The following ZFYVE19 variants were observed in gnomAD, a reference collection of about 807,000 sequenced individuals.
The protein encoded by ZFYVE19 is abscission/NoCut checkpoint regulator.
A neutral mutation model predicts 62.8 loss-of-function variants in ZFYVE19; 49 were observed. The observed-to-expected ratio is 0.78, with a 90% CI of 0.62 to 0.99. The LOEUF (loss-of-function observed/expected upper bound fraction) is 0.99. Among genes scored for constraint, ZFYVE19 ranks in the 50% least tolerant of loss-of-function variants. The probability of loss-of-function intolerance (pLI) is 0.00; values close to 1 mark genes in which losing one functional copy is unlikely to be tolerated. For missense variants in ZFYVE19, 630 were observed against 601.9 expected (o/e 1.05, Z -0.49); for synonymous variants, 242 against 234.3 (o/e 1.03, Z -0.30).
rs1167665476 is a variant in ZFYVE19 at position 40,809,203 on chromosome 15, C to A, written c.364C>A (p.Gln122Lys). 4.3e-6 allele frequency: 7 copies of A among 1,614,248 alleles called. No homozygotes were observed. Among genetic ancestry groups the A allele is most frequent in the Non-Finnish European group, 5.9e-6 (7 of 1,180,048 alleles). ...AAVPRTGNTQ[Q>K]KVCKQCHEVL... ...AGTGCCTCGGACTGGGAACACCCAA[C>A]AGAAAGTCTGCAAGCAATGCCATGA... Residue 122 changes from glutamine to lysine, a missense_variant, in exon 2 of 11, where the codon CAG becomes AAG. Gln to Lys is a moderately conservative substitution (Grantham distance 53). Transcript: ENST00000355341.
At chr15:40,813,685 G>C (rs751429904) in intron 8 of ZFYVE19, 28 bp from the exon 9 acceptor site, 1 of 1,595,740 alleles carries the variant, frequency 6.3e-7, no homozygotes, top group Non-Finnish European at 8.6e-7. Flanking sequence ...TGAAGCAGGG[G>C]AGTAGTACAT....
Position 40,813,685 on chromosome 15 carries a change from G to A in ZFYVE19, c.1111-28G>A, listed in dbSNP as rs751429904. The A allele has an allele frequency of 3.8e-6, 6 of 1,595,740 alleles. No individual in the cohort carries two copies. The South Asian group carries it at 4.5e-5, about 12-fold the overall frequency. On this transcript the variant is annotated intron_variant, in intron 8 of 10. Coordinates refer to ENST00000355341, the MANE Select transcript of ZFYVE19 (RefSeq NM_001077268.2). Reference sequence around the variant, plus strand: ...TGGAGGGCCTGGGCCTGAAGCAGGGGAGTAGTACATCTTCACCCTGTCCGC... The same window carrying A: ...TGGAGGGCCTGGGCCTGAAGCAGGGAAGTAGTACATCTTCACCCTGTCCGC...
chr15:40,808,608 A>G (rs1458312474), intron 1 of ZFYVE19: 2 of 466,346 alleles, frequency 4.3e-6, no homozygotes, highest in Non-Finnish European at 7.5e-6. Context: ...CACGGTTGGC[A>G]TCAAGATTAA....
At chr15:40,809,542 A>G in intron 3 of ZFYVE19, 84 bp downstream of exon 3, 1 of 1,507,690 alleles carries the variant, frequency 6.6e-7, no homozygotes, top group Non-Finnish European at 9.1e-7. Flanking sequence ...CATCTTCTAG[A>G]TAAAATGAGC....
Position 40,814,069 on chromosome 15 carries a change from C to T in ZFYVE19, c.1336C>T (p.Arg446Ter), listed in dbSNP as rs764804590. 3.8e-5 allele frequency: 62 copies of T among 1,613,912 alleles called. No homozygotes were observed. Among genetic ancestry groups the T allele is most frequent in the Admixed American group, 6.7e-5 (4 of 59,990 alleles). ...GGACCTCTTCTGTGCCCGCTGCTTC[C>T]GGTGGGTGCAGGTGGAATGTTCTGT... is the stretch of plus-strand genomic sequence containing the variant. ...DGDLFCARCF[R>*]EGHDAFELKE... The change falls in exon 10 of 11, where the codon CGA becomes TGA. Residue 446 changes from arginine (R) to a stop codon, truncating the protein, a stop_gained and splice_region_variant. Coordinates refer to ENST00000355341, the MANE Select transcript of ZFYVE19 (RefSeq NM_001077268.2). LOFTEE classifies it high-confidence loss of function.
Position 40,807,631 on chromosome 15 carries a change from G to T in ZFYVE19, c.42G>T (p.Pro14=). 2 of 1,613,140 alleles carry T rather than the reference G, an allele frequency of 1.2e-6. No homozygotes were observed. Among genetic ancestry groups the T allele is most frequent in the Non-Finnish European group, 8.5e-7 (1 of 1,179,762 alleles). Residue 14 remains proline (P), a synonymous_variant, in exon 1 of 11, where the codon CCG becomes CCT. Coordinates refer to ENST00000355341, the MANE Select transcript of ZFYVE19 (RefSeq NM_001077268.2). ...AGCAGCCCCCGTTGCCGCCGCTGCCGTACGCTGGCTGCAGGAGAGCGTCCG... is the reference window on the plus strand; with the variant it reads ...AGCAGCCCCCGTTGCCGCCGCTGCCTTACGCTGGCTGCAGGAGAGCGTCCG... ...DSQQPPLPPL[P]YAGCRRASGF...
intron 5 of ZFYVE19, 28 bp downstream of exon 5, chr15:40,810,244 G>A (rs780621635): frequency 3.2e-5 from 51 of 1,612,134 alleles, no homozygotes; most frequent in Non-Finnish European, 3.6e-5. Flanking sequence ...GGAGAGAAGC[G>A]GGGGTGCTAG....
chr15:40,810,469 A>G (rs745032), intron 5 of ZFYVE19, among the ~76,000 whole-genome samples, 180 bp from the exon 6 acceptor site: 48,220 of 152,072 alleles, frequency 0.32, 8,100 homozygotes, highest in South Asian at 0.45. Flanking sequence ...ACAGCACGAT[A>G]GGGTAGGGCA....
chr15:40,813,179 G>C (rs1890551392), intron 7 of ZFYVE19, 159 bp from the exon 8 acceptor site: 2 of 710,908 alleles, frequency 2.8e-6, no homozygotes, highest in Non-Finnish European at 4.7e-6. Flanking sequence ...GGCTGGGGCA[G>C]GCAGGGACAG....
At chr15:40,808,048 T>C (rs772119465) in intron 1 of ZFYVE19, 180 bp downstream of exon 1, 6 of 1,048,876 alleles carry the variant, frequency 5.7e-6, no homozygotes, top group Non-Finnish European at 7.1e-6. Context: ...TTTCAGGGTT[T>C]ATGTGAGGGT....
chr15:40,807,182 C>T lies in ZFYVE19; in HGVS notation c.-408C>T. 7.0e-7 allele frequency: 1 copy of T among 1,426,404 alleles called. No homozygotes were observed. The highest frequency in any genetic ancestry group is 9.3e-7 in the Non-Finnish European group (1 of 1,071,136). 88.4% of individuals were successfully genotyped at this position (1,426,404 alleles called of 1,614,324 possible). A position where few individuals can be genotyped will look rare whatever the true frequency, so the allele number is the denominator to read the frequency against. On this transcript the variant is annotated 5_prime_UTR_variant, in exon 1 of 11. Transcript: ENST00000355341. ...CGAAGAGCCCTCTGTACCCCGCTTC[C>T]TCTTGAGGCCCTCGGACCGTCCAGG... is the stretch of plus-strand genomic sequence containing the variant.
At chr15:40,810,799 T>C (rs529213813) in intron 6 of ZFYVE19, 42 bp downstream of exon 6, 39 of 1,549,706 alleles carry the variant, frequency 2.5e-5, no homozygotes, top group Non-Finnish European at 3.2e-5. Context: ...GCCCTACCTC[T>C]TTCCCCAGAC....
In ZFYVE19 at chr15:40,807,508, A is replaced by T. The variant is rs185533526; in HGVS notation, c.-82A>T. 6.2e-7 allele frequency: 1 copy of T among 1,609,414 alleles called. No homozygotes were observed. On this transcript the variant is annotated 5_prime_UTR_variant, in exon 1 of 11. Coordinates refer to ENST00000355341, the MANE Select transcript of ZFYVE19 (RefSeq NM_001077268.2). ...GAGTCTAAGCGCGCGTGAGGACTGC[A>T]GGCTCCGAGCGGCGCCTAGCCCTCT...
At position 40,812,799 on chromosome 15, in the gene ZFYVE19, G is replaced by C. The variant is rs7178363; in HGVS notation, c.927G>C (p.Leu309=). The part of the protein sequence containing the change: ...WSLEEEKSRL[L]AEAALELREE... ...TGGAGGAGGAGAAGAGCAGACTGCT[G>C]GCTGAGGCAGCACTTGAGTTGCGGG... Residue 309 remains leucine, a synonymous_variant, in exon 7 of 11, where the codon CTG becomes CTC. Transcript: ENST00000355341. 8.7e-3 allele frequency: 14,039 copies of C among 1,613,600 alleles called. 1,090 individuals are homozygous for C. The African/African-American group carries it at 0.17, about 19-fold the overall frequency.
chr15:40,813,389 A>C lies in ZFYVE19; in HGVS notation c.1082A>C (p.Glu361Ala). The C allele has an allele frequency of 6.2e-7, 1 of 1,610,894 alleles. No individual in the cohort carries two copies. The highest frequency in any genetic ancestry group is 8.5e-7 in the Non-Finnish European group (1 of 1,178,612). ...GACAGTGATGACGACGAGGATGAGG[A>C]GACAGCCATCCAAAGAGTCCTGCAG... ...LPDSDDDEDE[E>A]TAIQRVLQQL... Residue 361 changes from glutamate (E) to alanine (A), a missense_variant, in exon 8 of 11, where the codon GAG becomes GCG. Transcript: ENST00000355341.
rs190799376 is a variant in ZFYVE19 at position 40,809,968 on chromosome 15, C to A, written c.569C>A (p.Pro190His). 6.2e-7 allele frequency: 1 copy of A among 1,614,192 alleles called. No individual in the cohort carries two copies. Among genetic ancestry groups the A allele is most frequent in the East Asian group, 2.2e-5 (1 of 44,886 alleles). ...GCACGACTCCGCCAGGAGAACAAGC[C>A]CAGTGAGCAGGGGCAGATGGGGTTG... is the stretch of plus-strand genomic sequence containing the variant. ...RLARLRQENKPKLVPSQAEIE... is the reference protein window; with the variant it reads ...RLARLRQENKHKLVPSQAEIE... The change falls in exon 4 of 11, where the codon CCC becomes CAC. Residue 190 changes from proline to histidine, a missense_variant and splice_region_variant. Coordinates refer to ENST00000355341, the MANE Select transcript of ZFYVE19 (RefSeq NM_001077268.2).
intron 2 of ZFYVE19, 81 bp from the exon 3 acceptor site, chr15:40,809,327 G>C: frequency 6.2e-7 from 1 of 1,613,668 alleles, no homozygotes; most frequent in Non-Finnish European, 8.5e-7. Flanking sequence ...TGTCGCGAGA[G>C]TCAGCCGAGG....
In ZFYVE19 at chr15:40,814,207, G is replaced by C; in HGVS notation, c.1397G>C (p.Arg466Pro). The change falls in exon 11 of 11, where the codon CGT becomes CCT. Residue 466 changes from arginine (R) to proline (P), a missense_variant. Transcript: ENST00000355341. ...EHQTSAYSPP[R>P]AGQEH The stretch of plus-strand genomic sequence containing the variant: ...CAGACATCTGCCTACTCTCCTCCAC[G>C]TGCAGGCCAAGAGCACTGAAGACAC... 6.2e-7 allele frequency: 1 copy of C among 1,614,150 alleles called. No homozygotes were observed. Among genetic ancestry groups the C allele is most frequent in the Non-Finnish European group, 8.5e-7 (1 of 1,180,038 alleles).
At position 40,810,058 on chromosome 15, in the gene ZFYVE19, A is replaced by T; in HGVS notation, c.572-13A>T. 3 of 1,614,166 alleles carry T rather than the reference A, an allele frequency of 1.9e-6. No homozygotes were observed. The highest frequency in any genetic ancestry group is 1.7e-6 in the Non-Finnish European group (2 of 1,180,024). On this transcript the variant is annotated splice_polypyrimidine_tract_variant and intron_variant, in intron 4 of 10. Coordinates refer to ENST00000355341, the MANE Select transcript of ZFYVE19 (RefSeq NM_001077268.2). ...CTCTGGCCCTTACAAGGCTCCCCCC[A>T]TGCCAATTGCAGAGTTAGTCCCCTC...
Sources: gnomAD v4.1 joint callset for allele counts (sites outside exome capture counted in the v4.1 genomes callset) on GRCh38, gnomAD v4.1.1 for gene constraint, MANE v1.5 for transcripts, NCBI Gene and HGNC (gene_info 2026-07-23, HGNC 2026-07-21) for gene names.